Variants in ASB2 observed in about 807,000 individuals in gnomAD.
ASB2 encodes ankyrin repeat and SOCS box protein 2.
Under a neutral mutation model 62.4 loss-of-function variants are expected in ASB2, and 58 were observed. That is an observed-to-expected ratio of 0.93 (90% CI 0.75 to 1.16). ASB2 has a LOEUF of 1.16. Ranked by LOEUF, ASB2 falls within the 50% of genes most tolerant of loss-of-function variation. The pLI is 0.00. For missense variants in ASB2, 928 were observed against 887.9 expected (o/e 1.05, Z -0.57); for synonymous variants, 386 against 385.3 (o/e 1.00, Z -0.02).
chr14:93,956,734 G>A (rs763860751), intron 3 of ASB2, 32 bp downstream of exon 3: 1 of 1,613,396 alleles, frequency 6.2e-7, no homozygotes, highest in African/African-American at 1.3e-5. Context: ...AGTGAACTTG[G>A]ATGGTCCTGG....
At chr14:93,949,059 AG>A (rs1888847667) in intron 6 of ASB2, among the ~76,000 whole-genome samples, 1 of 152,242 alleles carries the variant, frequency 6.6e-6, no homozygotes, top group Non-Finnish European at 1.5e-5. Context: ...CTCCTCGGGC[AG>A]GGGGTGAGGG....
Position 93,947,585 on chromosome 14 carries a change from G to C in ASB2, c.881-65C>G, listed in dbSNP as rs999736084. 2.6e-6 allele frequency: 4 copies of C among 1,549,048 alleles called. No homozygotes were observed. The African/African-American group carries it at 5.4e-5, about 21-fold the overall frequency. On this transcript the variant is annotated intron_variant, in intron 6 of 9. Coordinates refer to ENST00000555019, the MANE Select transcript of ASB2 (RefSeq NM_001202429.2). Reference sequence around the variant, plus strand: ...GGGAAGTTGCTGTCCTCAATGTAACGCCACCGCGTGGTGGGCCTGCTGTGC... The same window carrying C: ...GGGAAGTTGCTGTCCTCAATGTAACCCCACCGCGTGGTGGGCCTGCTGTGC...
intron 2 of ASB2, among the ~76,000 whole-genome samples, chr14:93,961,928 C>A (rs1040029115): frequency 6.6e-6 from 1 of 152,024 alleles, no homozygotes. Context: ...AACTTCAGAG[C>A]GGGACAGACT....
At chr14:93,962,223 T>C (rs35925593) in intron 2 of ASB2, among the ~76,000 whole-genome samples, 13,894 of 144,468 alleles carry the variant, frequency 0.096, 843 homozygotes, top group African/African-American at 0.17. Flanking sequence ...CACACCATTC[T>C]CCTGCCTCAG....
At chr14:93,961,564 G>A (rs532046742) in intron 2 of ASB2, among the ~76,000 whole-genome samples, 13 of 152,352 alleles carry the variant, frequency 8.5e-5, no homozygotes, top group East Asian at 7.7e-4. Flanking sequence ...CAGCTGGCCC[G>A]GGAGAGTGGT....
At chr14:93,957,598 G>C (rs890190409) in intron 2 of ASB2, among the ~76,000 whole-genome samples, 1 of 152,162 alleles carries the variant, frequency 6.6e-6, no homozygotes, top group Non-Finnish European at 1.5e-5. Flanking sequence ...GCCTGTGCTC[G>C]AGGGCCGGTG....
At chr14:93,937,091 C>T (rs1191249733) in intron 9 of ASB2, among the ~76,000 whole-genome samples, 2 of 152,172 alleles carry the variant, frequency 1.3e-5, no homozygotes, top group Admixed American at 1.3e-4. Context: ...TGCCCAGGCC[C>T]CTCTGTTCAG....
At chr14:93,943,712 C>G (rs1362229323) in intron 7 of ASB2, among the ~76,000 whole-genome samples, 2 of 152,196 alleles carry the variant, frequency 1.3e-5, no homozygotes, top group East Asian at 1.9e-4. Flanking sequence ...CAGACGGCTC[C>G]ATTGCCAACA....
intron 2 of ASB2, 145 bp downstream of exon 2, chr14:93,964,189 T>C: frequency 2.7e-6 from 2 of 735,514 alleles, no homozygotes; most frequent in South Asian, 3.3e-5. Flanking sequence ...GCTTGGTAAG[T>C]TCAGATAACA....
intron 6 of ASB2, among the ~76,000 whole-genome samples, chr14:93,947,967 C>T (rs1439032736): frequency 1.6e-5 from 2 of 125,708 alleles, no homozygotes; most frequent in African/African-American, 6.2e-5. Context: ...GCACTCCAGC[C>T]TGGGCAACAA....
At chr14:93,948,343 C>T (rs1292812068) in intron 6 of ASB2, 1 of 154,344 alleles carries the variant, frequency 6.5e-6, no homozygotes, top group Admixed American at 6.5e-5. Flanking sequence ...TCTTAACCCT[C>T]ACTCCATGTA....
At chr14:93,943,473 G>T (rs1390699782) in intron 7 of ASB2, among the ~76,000 whole-genome samples, 1 of 152,096 alleles carries the variant, frequency 6.6e-6, no homozygotes, top group African/African-American at 2.4e-5. Context: ...GATGAAACCC[G>T]GTCTCTACTA....
intron 2 of ASB2, among the ~76,000 whole-genome samples, chr14:93,963,072 C>G (rs1332819661): frequency 6.6e-6 from 1 of 152,230 alleles, no homozygotes; most frequent in South Asian, 2.1e-4. Context: ...TGGGCCTCTG[C>G]CCAGCCAGCC....
At chr14:93,956,277 A>T (rs941483) in intron 3 of ASB2, among the ~76,000 whole-genome samples, 109,026 of 152,056 alleles carry the variant, frequency 0.72, 39,520 homozygotes, top group East Asian at 0.9. Context: ...CTTCACAAAT[A>T]AGGGCAAATA....
intron 7 of ASB2, chr14:93,942,123 C>T: frequency 2.2e-6 from 1 of 453,764 alleles, no homozygotes; most frequent in Non-Finnish European, 4.4e-6. Flanking sequence ...CTTCCCAGCC[C>T]ATTTTGTGGG....
At chr14:93,953,142 C>T (rs1018121692) in intron 5 of ASB2, among the ~76,000 whole-genome samples, 2 of 152,206 alleles carry the variant, frequency 1.3e-5, no homozygotes, top group Non-Finnish European at 2.9e-5. Context: ...AGCTCCAAGC[C>T]CTCAGTGTCC....
chr14:93,964,440 C>T lies in ASB2; in HGVS notation c.100G>A (p.Ala34Thr), dbSNP rs571764384. The change falls in exon 2 of 10, where the codon GCC becomes ACC. Residue 34 changes from alanine (A) to threonine (T), a missense_variant. Coordinates refer to ENST00000555019, the MANE Select transcript of ASB2 (RefSeq NM_001202429.2). ...SLSEDELVQM[A>T]IEQSLADKTR... Reference sequence around the variant, plus strand: ...TTGTCCGCTAGGCTCTGCTCGATGGCCATCTGCACCAGTTCATCCTCGCTC... The same window carrying T: ...TTGTCCGCTAGGCTCTGCTCGATGGTCATCTGCACCAGTTCATCCTCGCTC... The T allele has an allele frequency of 3.3e-6, 5 of 1,536,098 alleles. No individual in the cohort carries two copies. In the East Asian group the frequency reaches 1.2e-4, roughly 38 times the overall value.
Position 93,939,285 on chromosome 14 carries a change from G to A in ASB2, c.1440C>T (p.Ala480=). The part of the protein sequence containing the change: ...YIATHPTAFP[A]TIMFAMKCLS... ...GGCACTTCATGGCGAACATGATGGT[G>A]GCGGGGAAGGCGGTGGGGTGCGTGG... is the stretch of plus-strand genomic sequence containing the variant. The change falls in exon 8 of 10, where the codon GCC becomes GCT. Residue 480 remains alanine (A), a synonymous_variant. Transcript: ENST00000555019. 6.2e-7 allele frequency: 1 copy of A among 1,609,534 alleles called. No individual in the cohort carries two copies. Among genetic ancestry groups the A allele is most frequent in the Non-Finnish European group, 8.5e-7 (1 of 1,176,814 alleles).
chr14:93,959,474 G>A (rs998023885), intron 2 of ASB2, among the ~76,000 whole-genome samples: 11 of 152,298 alleles, frequency 7.2e-5, no homozygotes, highest in Admixed American at 4.6e-4. Flanking sequence ...TCGTGCTCTC[G>A]CCAATCAAGG....
Sources: allele counts gnomAD v4.1 joint callset (sites outside exome capture counted in the v4.1 genomes callset), GRCh38; gene constraint gnomAD v4.1.1; transcripts MANE v1.5; gene names NCBI Gene and HGNC (gene_info 2026-07-23, HGNC 2026-07-21).